The following IQCH variants were observed in gnomAD, a reference collection of about 807,000 sequenced individuals.
IQCH encodes IQ domain-containing protein H.
In IQCH, 98 loss-of-function variants were observed where a neutral mutation model predicts 117.0. The observed-to-expected ratio is 0.84, with a 90% confidence interval of 0.71 to 0.99. The LOEUF (loss-of-function observed/expected upper bound fraction) is 0.99. IQCH is among the 50% of genes least tolerant of loss of function. IQCH has a pLI of 0.00. For synonymous variants in IQCH, 412 were observed against 448.2 expected, an observed-to-expected ratio of 0.92 and a Z score of 1.02; for missense variants, 1,102 against 1,243.8, an observed-to-expected ratio of 0.89 and a Z score of 1.72.
At position 67,292,961 on chromosome 15, in the gene IQCH, T is replaced by C. The variant is rs188754008; in HGVS notation, c.387+13449T>C. ...ACTCTGCTTAGTTCATTGCTGTAAC[T>C]AGGGCCTAGACAGTGCCTAGCCTGG... On this transcript the variant is annotated intron_variant, in intron 4 of 20. Transcript: ENST00000335894. 6.6e-5 allele frequency among the ~76,000 whole-genome samples: 10 copies of C among 152,338 alleles called. No individual in the cohort carries two copies. In the East Asian group the frequency reaches 1.9e-3, roughly 29 times the overall value.
intron 4 of IQCH, 53 bp downstream of exon 4, chr15:67,279,565 G>T: frequency 2.0e-6 from 2 of 1,006,232 alleles, no homozygotes; most frequent in Non-Finnish European, 3.1e-6. Context: ...ATTGCCAGGG[G>T]CTGGGAGGAG....
intron 3 of IQCH, among the ~76,000 whole-genome samples, chr15:67,270,211 TTCTTTC>T (rs1332299830): frequency 6.6e-6 from 1 of 152,234 alleles, no homozygotes; most frequent in Non-Finnish European, 1.5e-5. Flanking sequence ...ATGCCTTTAT[TTCTTTC>T]TCTTGCCTAA....
intron 12 of IQCH, among the ~76,000 whole-genome samples, chr15:67,389,606 CA>C (rs1347197626): frequency 3.3e-5 from 5 of 151,398 alleles, no homozygotes; most frequent in Non-Finnish European, 5.9e-5. Context: ...TAAGGCAGTA[CA>C]AAAGATGGCT....
At chr15:67,263,989 C>A (rs979258682) in intron 3 of IQCH, among the ~76,000 whole-genome samples, 1 of 152,156 alleles carries the variant, frequency 6.6e-6, no homozygotes, top group Non-Finnish European at 1.5e-5. Context: ...ATGCACCCAG[C>A]ATAAATGAAA....
intron 18 of IQCH, among the ~76,000 whole-genome samples, chr15:67,485,480 G>A (rs1456422952): frequency 6.6e-6 from 1 of 152,028 alleles, no homozygotes. Flanking sequence ...AGGAGAAGAG[G>A]GAGTGATTTT....
At chr15:67,314,729 G>A (rs954178880) in intron 4 of IQCH, among the ~76,000 whole-genome samples, 11 of 152,286 alleles carry the variant, frequency 7.2e-5, no homozygotes, top group South Asian at 6.2e-4. Context: ...CCCTCCAGGA[G>A]GTAGCCACCT....
At chr15:67,379,703 C>A (rs1970856693) in intron 10 of IQCH, among the ~76,000 whole-genome samples, 1 of 152,052 alleles carries the variant, frequency 6.6e-6, no homozygotes, top group South Asian at 2.1e-4. Context: ...TGTGGCACTT[C>A]CCCCCTCATT....
chr15:67,337,650 G>A (rs1968955719), intron 5 of IQCH, among the ~76,000 whole-genome samples: 1 of 152,088 alleles, frequency 6.6e-6, no homozygotes, highest in Non-Finnish European at 1.5e-5. Context: ...TGTAGATTGA[G>A]TGAATAAGAA....
intron 2 of IQCH, among the ~76,000 whole-genome samples, chr15:67,262,512 T>A (rs1965504007): frequency 6.6e-6 from 1 of 152,192 alleles, no homozygotes; most frequent in African/African-American, 2.4e-5. Context: ...AGCTGGAGTC[T>A]TTGGGTTGGC....
At chr15:67,306,757 C>T (rs573720661) in intron 4 of IQCH, 12 of 985,186 alleles carry the variant, frequency 1.2e-5, no homozygotes, top group African/African-American at 4.8e-5. Context: ...AAGTGAGACT[C>T]ACTGGTGATT....
At chr15:67,280,115 A>G (rs763109347) in intron 4 of IQCH, among the ~76,000 whole-genome samples, 9 of 152,362 alleles carry the variant, frequency 5.9e-5, no homozygotes, top group East Asian at 1.9e-4. Context: ...TTTGTGTTCT[A>G]AGTTAGAAAA....
chr15:67,420,673 G>A (rs2081713635), intron 15 of IQCH, among the ~76,000 whole-genome samples: 1 of 152,068 alleles, frequency 6.6e-6, no homozygotes, highest in Non-Finnish European at 1.5e-5. Context: ...CAAAGCAAAG[G>A]GTAAAATGTA....
rs2082046010 is a variant in IQCH, at chr15:67,432,743, G to A, written c.2505+11166G>A. 6.6e-6 allele frequency among the ~76,000 whole-genome samples: 1 copy of A among 152,114 alleles called. No homozygotes were observed. Among genetic ancestry groups the A allele is most frequent in the African/African-American group, 2.4e-5 (1 of 41,416 alleles). ...AATGAATACATTTATTTCAGAGAAT[G>A]GAAAAACCAAAGTCTACAGAAATAT... is the stretch of plus-strand genomic sequence containing the variant. On this transcript the variant is annotated intron_variant, in intron 16 of 20. Transcript: ENST00000335894. This position sits in a 1 kb window ranked among gnomAD's most constrained non-coding sequence, Gnocchi z 5.0.
intron 18 of IQCH, among the ~76,000 whole-genome samples, chr15:67,486,771 T>C (rs2083493299): frequency 6.6e-6 from 1 of 152,226 alleles, no homozygotes; most frequent in African/African-American, 2.4e-5. Flanking sequence ...TAAAATATAT[T>C]TTATTTAATC....
chr15:67,397,546 T>C (rs1423495784), intron 13 of IQCH, among the ~76,000 whole-genome samples: 3 of 152,242 alleles, frequency 2.0e-5, no homozygotes, highest in Non-Finnish European at 4.4e-5. Flanking sequence ...CTATCTATTC[T>C]ATCTGAGCAT....
chr15:67,337,932 C>A (rs1291805433), intron 5 of IQCH, among the ~76,000 whole-genome samples: 1 of 152,192 alleles, frequency 6.6e-6, no homozygotes, highest in Admixed American at 6.5e-5. Context: ...CTAGCTACTG[C>A]ATCTTCTGTC....
At position 67,411,989 on chromosome 15, in the gene IQCH, T is replaced by G. The variant is rs750530475; in HGVS notation, c.2098-4942T>G. Among the ~76,000 whole-genome samples the G allele has an allele frequency of 1.3e-5, 2 of 152,188 alleles. No individual in the cohort carries two copies. Among genetic ancestry groups the G allele is most frequent in the African/African-American group, 2.4e-5 (1 of 41,450 alleles). On this transcript the variant is annotated intron_variant, in intron 14 of 20. Transcript: ENST00000335894. This position sits in a 1 kb window ranked among gnomAD's most constrained non-coding sequence, Gnocchi z 4.4. ...TGGAACCTTCCAACGTCCTGACGAT[T>G]GTTGATGCACTCTGAGAGGTAAATG... is the stretch of plus-strand genomic sequence containing the variant.
chr15:67,282,014 C>A, intron 4 of IQCH: 1 of 310,872 alleles, frequency 3.2e-6, no homozygotes, highest in Non-Finnish European at 6.4e-6. Flanking sequence ...TTATTAGAGG[C>A]ACGCTGGGCT....
intron 4 of IQCH, among the ~76,000 whole-genome samples, chr15:67,280,115 AAGTT>A (rs1966291832): frequency 6.6e-6 from 1 of 152,244 alleles, no homozygotes; most frequent in African/African-American, 2.4e-5. Flanking sequence ...TTTGTGTTCT[AAGTT>A]AGAAAACATA....
Sources: gnomAD v4.1 joint callset for allele counts (sites outside exome capture counted in the v4.1 genomes callset) on GRCh38, gnomAD v4.1.1 for gene constraint, Gnocchi (gnomAD v3.1) non-coding constraint, MANE v1.5 for transcripts, NCBI Gene and HGNC (gene_info 2026-07-23, HGNC 2026-07-21) for gene names.